Variants in IBTK observed in about 807,000 individuals in gnomAD.
The protein encoded by IBTK is BTK-binding protein.
In IBTK, 83 loss-of-function variants were observed where a neutral mutation model predicts 154.9. The observed-to-expected ratio is 0.54, with a 90% CI of 0.45 to 0.64. The LOEUF (loss-of-function observed/expected upper bound fraction) is 0.64. IBTK is among the 30% of genes least tolerant of loss of function. The pLI is 0.00. For missense variants in IBTK, 1,332 were observed against 1,584.6 expected, an observed-to-expected ratio of 0.84 and a Z score of 2.71; for synonymous variants, 515 against 536.1, an observed-to-expected ratio of 0.96 and a Z score of 0.54.
chr6:82,173,119 A>C, intron 27 of IBTK: 1 of 301,188 alleles, frequency 3.3e-6, no homozygotes, highest in Non-Finnish European at 6.1e-6. Flanking sequence ...CTCCTGTCCT[A>C]GCTTCATGAG....
rs1769200317 is a variant in IBTK, at chr6:82,201,288, C to T, written c.2790+134G>A. 1.0e-5 allele frequency: 5 copies of T among 485,326 alleles called. No individual in the cohort carries two copies. In the South Asian group the frequency reaches 2.0e-4, roughly 19 times the overall value. The allele number at this position is 485,326 out of a possible 1,614,324, so 30.1% of individuals were successfully genotyped here. A position where few individuals can be genotyped will look rare whatever the true frequency, so the allele number is the denominator to read the frequency against. On this transcript the variant is annotated intron_variant, in intron 19 of 28. Coordinates refer to ENST00000306270, the MANE Select transcript of IBTK (RefSeq NM_015525.4). Reference sequence around the variant, plus strand: ...GTATCTGTGAGATCTGTAAAGGAATCCTATATCATCAGTTTTAAAAGATCC... The same window carrying T: ...GTATCTGTGAGATCTGTAAAGGAATTCTATATCATCAGTTTTAAAAGATCC...
At chr6:82,196,539 TA>T in intron 21 of IBTK, 93 bp from the exon 22 acceptor site, 1 of 587,196 alleles carries the variant, frequency 1.7e-6, no homozygotes, top group South Asian at 5.6e-5. Flanking sequence ...AGCTTTCATT[TA>T]TCCAGATTTA....
At position 82,171,466 on chromosome 6, in the gene IBTK, C is replaced by T; in HGVS notation, c.4021G>A (p.Gly1341Arg). The T allele has an allele frequency of 6.2e-7, 1 of 1,613,280 alleles. No homozygotes were observed. Residue 1341 changes from glycine to arginine, a missense_variant, in exon 29 of 29, where the codon GGA becomes AGA. Around this residue, in one of 3 missense-constraint regions of IBTK, gnomAD observed 1,134 missense variants for 1,274.7 expected, o/e 0.89. Coordinates refer to ENST00000306270, the MANE Select transcript of IBTK (RefSeq NM_015525.4). ...EFVIVERTPQ[G>R]PLAVPMWNKH... ...TTCCACATAGGTACTGCCAGTGGTC[C>T]CTGCGGTGTCCTTTCAACAATGACA...
chr6:82,174,293 A>C (rs1198155255), intron 26 of IBTK, among the ~76,000 whole-genome samples: 1 of 152,200 alleles, frequency 6.6e-6, no homozygotes, highest in Non-Finnish European at 1.5e-5. Flanking sequence ...ATTAAAACCC[A>C]ATCTTCTCCC....
chr6:82,174,405 A>G (rs1768035540), intron 26 of IBTK, among the ~76,000 whole-genome samples: 1 of 152,162 alleles, frequency 6.6e-6, no homozygotes, highest in Non-Finnish European at 1.5e-5. Flanking sequence ...ACAATATGGA[A>G]GATTGTATAT....
Position 82,170,158 on chromosome 6 carries a change from T to C in IBTK, c.*1267A>G, listed in dbSNP as rs1321627138. On this transcript the variant is annotated 3_prime_UTR_variant, in exon 29 of 29. Coordinates refer to ENST00000306270, the MANE Select transcript of IBTK (RefSeq NM_015525.4). ...AACTTAACCATATACTGGCCACTAG[T>C]GTAGCACATCAGAAAAAATAATTAT... The C allele has an allele frequency of 6.6e-6, 1 of 152,386 alleles. No homozygotes were observed. Among genetic ancestry groups the C allele is most frequent in the Non-Finnish European group, 1.5e-5 (1 of 68,046 alleles). The allele number at this position is 152,386 out of a possible 1,614,324, so 9.4% of individuals were successfully genotyped here.
At chr6:82,173,252 T>C in intron 27 of IBTK, 115 bp downstream of exon 27, 1 of 657,870 alleles carries the variant, frequency 1.5e-6, no homozygotes, top group Non-Finnish European at 2.6e-6. Context: ...TCCACCCGCC[T>C]CAGTCTCCCA....
intron 17 of IBTK, among the ~76,000 whole-genome samples, chr6:82,204,280 G>A (rs1769317754): frequency 6.6e-6 from 1 of 152,078 alleles, no homozygotes; most frequent in Middle Eastern, 3.2e-3. Flanking sequence ...TAGTTAAAAG[G>A]AATAAGTTTT....
intron 16 of IBTK, among the ~76,000 whole-genome samples, chr6:82,208,202 TATAA>T (rs1397864423): frequency 2.0e-5 from 3 of 151,350 alleles, no homozygotes; most frequent in Admixed American, 1.3e-4. Context: ...TCTCTATATA[TATAA>T]ATATAGATAT....
Position 82,202,600 on chromosome 6 carries a change from T to C in IBTK, c.2657A>G (p.Tyr886Cys). 2.5e-6 allele frequency: 4 copies of C among 1,609,294 alleles called. No homozygotes were observed. Among genetic ancestry groups the C allele is most frequent in the East Asian group, 2.2e-5 (1 of 44,534 alleles). ...AAMLLEFAAM[Y>C]SAKQLKLSCL... The stretch of plus-strand genomic sequence containing the variant: ...AGACAGTTTCAACTGTTTTGCACTA[T>C]ACATTGCTGCAAATTCCAGTAGCAT... Residue 886 changes from tyrosine to cysteine, a missense_variant, in exon 18 of 29, where the codon TAT (tyrosine) becomes TGT (cysteine). By Grantham distance (194) the Tyr-to-Cys change is radical (BLOSUM62 -2). Coordinates refer to ENST00000306270, the MANE Select transcript of IBTK (RefSeq NM_015525.4).
chr6:82,212,646 A>C, intron 13 of IBTK, 61 bp downstream of exon 13: 1 of 1,030,552 alleles, frequency 9.7e-7, no homozygotes, highest in Non-Finnish European at 1.5e-6. Flanking sequence ...GCAGAGATCT[A>C]TTTCCACACT....
At position 82,202,609 on chromosome 6, in the gene IBTK, G is replaced by A; in HGVS notation, c.2648C>T (p.Ala883Val). 1 of 1,605,722 alleles carries A rather than the reference G, an allele frequency of 6.2e-7. No individual in the cohort carries two copies. Among genetic ancestry groups the A allele is most frequent in the Admixed American group, 1.7e-5 (1 of 58,508 alleles). Residue 883 changes from alanine (A) to valine (V), a missense_variant, in exon 18 of 29, where the codon GCA (alanine) becomes GTA (valine). Physicochemically the swap from Ala to Val is moderately conservative, Grantham distance 64. This residue lies in a region of IBTK where 1,134 missense variants were observed against 1,274.7 expected (regional missense o/e 0.89). Transcript: ENST00000306270. ...CAACTGTTTTGCACTATACATTGCT[G>A]CAAATTCCAGTAGCATAGCAGCATT... ...LKNAAMLLEFAAMYSAKQLKL... is the reference protein window; with the variant it reads ...LKNAAMLLEFVAMYSAKQLKL...
intron 25 of IBTK, among the ~76,000 whole-genome samples, chr6:82,183,173 G>A (rs1365136501): frequency 6.6e-6 from 1 of 152,184 alleles, no homozygotes; most frequent in Non-Finnish European, 1.5e-5. Flanking sequence ...ACTTTGGAAG[G>A]CCAAGGCAGG....
At position 82,241,879 on chromosome 6, in the gene IBTK, A is replaced by C. The variant is rs1246252687; in HGVS notation, c.-357-1036T>G. Among the ~76,000 whole-genome samples, 6 of 152,244 alleles carry C rather than the reference A, an allele frequency of 3.9e-5. No individual in the cohort carries two copies. The East Asian group carries it at 1.2e-3, about 29-fold the overall frequency. ...TACTATATGTATAGGGAAAGCTTCTATGCATCAGAGGGAAGTATGAAATAT... is the reference window on the plus strand; with the variant it reads ...TACTATATGTATAGGGAAAGCTTCTCTGCATCAGAGGGAAGTATGAAATAT... On this transcript the variant is annotated intron_variant, in intron 1 of 28. Transcript: ENST00000306270.
intron 25 of IBTK, among the ~76,000 whole-genome samples, chr6:82,190,456 A>T (rs1258180299): frequency 6.6e-6 from 1 of 152,190 alleles, no homozygotes; most frequent in Non-Finnish European, 1.5e-5. Flanking sequence ...GGAAGGATGG[A>T]ACGGAAGCTG....
chr6:82,232,159 T>C (rs541682882), intron 3 of IBTK, among the ~76,000 whole-genome samples: 20 of 152,098 alleles, frequency 1.3e-4, no homozygotes, highest in Non-Finnish European at 2.1e-4. Flanking sequence ...CCCCCCAAAG[T>C]GCTAGGATTA....
At chr6:82,229,717 A>C (rs1770431872) in intron 4 of IBTK, among the ~76,000 whole-genome samples, 1 of 152,102 alleles carries the variant, frequency 6.6e-6, no homozygotes, top group Non-Finnish European at 1.5e-5. Context: ...AGACTTGGAC[A>C]CCAAGCTTGA....
At chr6:82,217,131 T>A (rs1403360865) in intron 10 of IBTK, among the ~76,000 whole-genome samples, 1 of 152,154 alleles carries the variant, frequency 6.6e-6, no homozygotes, top group Non-Finnish European at 1.5e-5. Context: ...TGTAAGGGAA[T>A]CTGAGTGTCA....
intron 16 of IBTK, among the ~76,000 whole-genome samples, 195 bp downstream of exon 16, chr6:82,210,619 G>A (rs1769599110): frequency 6.6e-6 from 1 of 151,916 alleles, no homozygotes; most frequent in Non-Finnish European, 1.5e-5. Context: ...GAGCCTAGGA[G>A]TTTGAGACTA....
Sources: allele counts gnomAD v4.1 joint callset (sites outside exome capture counted in the v4.1 genomes callset), GRCh38; gene constraint gnomAD v4.1.1; regional missense constraint gnomAD v4.1.1; transcripts MANE v1.5; gene names NCBI Gene and HGNC (gene_info 2026-07-23, HGNC 2026-07-21).